Variants in AMDHD1 observed in about 807,000 individuals in gnomAD.
AMDHD1 encodes probable imidazolonepropionase.
Under a neutral mutation model 44.1 loss-of-function variants are expected in AMDHD1, and 45 were observed. That is an observed-to-expected ratio of 1.02 (90% CI 0.80 to 1.31). The LOEUF (loss-of-function observed/expected upper bound fraction) is 1.31, where lower values mean the gene tolerates loss of function less well. Ranked by LOEUF, AMDHD1 falls within the 50% of genes most tolerant of loss-of-function variation. AMDHD1 has a pLI of 0.00. For missense variants in AMDHD1, 586 were observed against 552.1 expected, an observed-to-expected ratio of 1.06 and a Z score of -0.61; for synonymous variants, 206 against 205.0, an observed-to-expected ratio of 1.00 and a Z score of -0.04.
chr12:95,961,718 G>A (rs1331084883), intron 5 of AMDHD1, among the ~76,000 whole-genome samples: 1 of 152,222 alleles, frequency 6.6e-6, no homozygotes, highest in African/African-American at 2.4e-5. Flanking sequence ...CGCATTTCAT[G>A]CAAACACCAA....
In AMDHD1 at chr12:95,960,588, C is replaced by T. The variant is rs1266737959; in HGVS notation, c.778C>T (p.His260Tyr). ...AGATATAGGGTTACAGATTAACTTCCATGGGGATGAACTCCACCCGATGAA... is the reference window on the plus strand; with the variant it reads ...AGATATAGGGTTACAGATTAACTTCTATGGGGATGAACTCCACCCGATGAA... ...GKDIGLQINF[H>Y]GDELHPMKAA... is the part of the protein sequence containing the mutation. The change falls in exon 5 of 9, where the codon CAT (histidine) becomes TAT (tyrosine). Residue 260 changes from histidine (H) to tyrosine (Y), a missense_variant. His to Tyr is a moderately conservative substitution (Grantham distance 83). Transcript: ENST00000266736. 1.9e-6 allele frequency: 3 copies of T among 1,614,174 alleles called. No individual in the cohort carries two copies. Among genetic ancestry groups the T allele is most frequent in the Non-Finnish European group, 2.5e-6 (3 of 1,180,032 alleles).
chr12:95,945,135 AAAAT>A (rs1220086862), intron 1 of AMDHD1, among the ~76,000 whole-genome samples: 1 of 152,178 alleles, frequency 6.6e-6, no homozygotes, highest in African/African-American at 2.4e-5. Flanking sequence ...CTCTGTCTCA[AAAAT>A]AAATAAATAA....
chr12:95,944,149 C>A (rs1382144113), intron 1 of AMDHD1, among the ~76,000 whole-genome samples: 2 of 151,880 alleles, frequency 1.3e-5, no homozygotes, highest in African/African-American at 2.4e-5. Context: ...AATAAAAGAA[C>A]AAAGTTTGAG....
intron 4 of AMDHD1, among the ~76,000 whole-genome samples, chr12:95,957,911 G>T (rs1253070348): frequency 1.3e-5 from 2 of 152,088 alleles, no homozygotes; most frequent in East Asian, 3.9e-4. Context: ...AAATTAGCGA[G>T]GCGTGGTGGC....
intron 3 of AMDHD1, 190 bp from the exon 4 acceptor site, chr12:95,956,495 C>A: frequency 1.4e-6 from 1 of 737,052 alleles, no homozygotes; most frequent in Middle Eastern, 3.9e-4. Context: ...CGGAGCTCCC[C>A]ACAATCCAGT....
intron 4 of AMDHD1, 110 bp from the exon 5 acceptor site, chr12:95,960,288 T>G (rs1299789781): frequency 1.1e-6 from 1 of 882,864 alleles, no homozygotes; most frequent in East Asian, 2.6e-5. Context: ...TTCTGAGGCT[T>G]GAAGTCATTT....
At chr12:95,962,945 G>A (rs2080589898) in intron 6 of AMDHD1, among the ~76,000 whole-genome samples, 1 of 152,126 alleles carries the variant, frequency 6.6e-6, no homozygotes, top group Non-Finnish European at 1.5e-5. Flanking sequence ...TCCTGGGGGT[G>A]GGAGGAAAGA....
chr12:95,961,612 T>G (rs2080581894), intron 5 of AMDHD1, among the ~76,000 whole-genome samples: 1 of 152,214 alleles, frequency 6.6e-6, no homozygotes, highest in Non-Finnish European at 1.5e-5. Flanking sequence ...CCAAGTCTTG[T>G]CCCATTTTCT....
intron 1 of AMDHD1, 122 bp from the exon 2 acceptor site, chr12:95,952,595 T>C: frequency 1.5e-6 from 1 of 651,902 alleles, no homozygotes; most frequent in Middle Eastern, 4.4e-4. Context: ...AGGTTCAAGA[T>C]AGAAGCACAG....
rs142306346 is a variant in AMDHD1 at position 95,966,464 on chromosome 12, G to A, written c.1149G>A (p.Leu383=). The A allele has an allele frequency of 7.8e-4, 1,252 of 1,614,236 alleles. No homozygotes were observed. The highest frequency in any genetic ancestry group is 1.0e-3 in the Non-Finnish European group (1,202 of 1,180,036). Residue 383 remains leucine (L), a synonymous_variant, in exon 8 of 9, where the codon TTG becomes TTA. Coordinates refer to ENST00000266736, the MANE Select transcript of AMDHD1 (RefSeq NM_152435.3). The part of the protein sequence containing the change: ...ALGKSHTHGS[L]EVGKQGDLII... Reference sequence around the variant, plus strand: ...GAAAGTCTCACACACACGGATCGTTGGAAGTTGGCAAACAGGGAGATCTCA... The same window carrying A: ...GAAAGTCTCACACACACGGATCGTTAGAAGTTGGCAAACAGGGAGATCTCA...
chr12:95,957,007 A>AAACG, intron 4 of AMDHD1, 45 bp downstream of exon 4: 1 of 1,604,648 alleles, frequency 6.2e-7, no homozygotes, highest in Non-Finnish European at 8.5e-7. Flanking sequence ...AGAGCATTGA[A>AAACG]AACGAACCCC....
rs60076877 is a variant in AMDHD1, at chr12:95,964,928, C to CAAAAAA, written c.939-740_939-735dup. Reference sequence around the variant, plus strand: ...AAAGGACCTACAGAGATGTTTGAGGCAAAAAAAAAAAAAAAAAAAAAAAGA... The same window carrying CAAAAAA: ...AAAGGACCTACAGAGATGTTTGAGGCAAAAAAAAAAAAAAAAAAAAAAAAAAAAAGA... On this transcript the variant is annotated intron_variant, in intron 6 of 8. Transcript: ENST00000266736. Among the ~76,000 whole-genome samples, 57 of 35,828 alleles carry CAAAAAA rather than the reference C, an allele frequency of 1.6e-3. 11 individuals are homozygous for CAAAAAA. Among genetic ancestry groups the CAAAAAA allele is most frequent in the East Asian group, 6.1e-3 (7 of 1,148 alleles). 23.5% of individuals were successfully genotyped at this position (35,828 alleles called of 152,430 possible).
chr12:95,960,003 T>A (rs979951129), intron 4 of AMDHD1, among the ~76,000 whole-genome samples: 19 of 151,914 alleles, frequency 1.3e-4, no homozygotes, highest in Non-Finnish European at 2.1e-4. Flanking sequence ...GCCAGGCTGG[T>A]CTCAAACTCC....
chr12:95,958,256 G>T (rs558664831), intron 4 of AMDHD1, among the ~76,000 whole-genome samples: 1 of 151,740 alleles, frequency 6.6e-6, no homozygotes, highest in Admixed American at 6.6e-5. Context: ...ATTACTATTA[G>T]CTATAGTCAC....
intron 3 of AMDHD1, among the ~76,000 whole-genome samples, chr12:95,955,602 A>G (rs1422717148): frequency 6.6e-6 from 1 of 152,248 alleles, no homozygotes; most frequent in Admixed American, 6.5e-5. Flanking sequence ...AAATCACAGA[A>G]TTTCAGAGCC....
At position 95,967,872 on chromosome 12, in the gene AMDHD1, T is replaced by A; in HGVS notation, c.*29T>A. On this transcript the variant is annotated 3_prime_UTR_variant, in exon 9 of 9. Transcript: ENST00000266736. ...ATTTGAAAAGAGAAGACTTTTTGACTATATGAAATAAGTCAATATAGTTAT... is the reference window on the plus strand; with the variant it reads ...ATTTGAAAAGAGAAGACTTTTTGACAATATGAAATAAGTCAATATAGTTAT... The A allele has an allele frequency of 7.1e-7, 1 of 1,404,434 alleles. No homozygotes were observed. The highest frequency in any genetic ancestry group is 1.3e-5 in the South Asian group (1 of 77,304). 87.0% of individuals were successfully genotyped at this position (1,404,434 alleles called of 1,614,324 possible).
Position 95,967,736 on chromosome 12 carries a change from G to GTTTTTTTT in AMDHD1, c.1194-12_1194-5dup. On this transcript the variant is annotated intron_variant, in intron 8 of 8. Transcript: ENST00000266736. ...TGCACACATTGAAGTAATATTTGTTGTTTTTTTTTTTTTTTCTAGATGGGA... is the reference window on the plus strand; with the variant it reads ...TGCACACATTGAAGTAATATTTGTTGTTTTTTTTTTTTTTTTTTTTTTTCTAGATGGGA... The GTTTTTTTT allele has an allele frequency of 1.6e-6, 2 of 1,259,504 alleles. No individual in the cohort carries two copies. The highest frequency in any genetic ancestry group is 1.5e-5 in the South Asian group (1 of 65,478). The allele number at this position is 1,259,504 out of a possible 1,614,324, so 78.0% of individuals were successfully genotyped here. A position where few individuals can be genotyped will look rare whatever the true frequency, so the allele number is the denominator to read the frequency against.
chr12:95,946,642 T>C (rs1414920700), intron 1 of AMDHD1, among the ~76,000 whole-genome samples: 22 of 4,222 alleles, frequency 5.2e-3, no homozygotes, highest in Admixed American at 7.1e-3. Flanking sequence ...TCCCCCTCCC[T>C]CTCCCTCTCC....
At chr12:95,964,706 A>G (rs1342668179) in intron 6 of AMDHD1, among the ~76,000 whole-genome samples, 1 of 152,016 alleles carries the variant, frequency 6.6e-6, no homozygotes, top group Non-Finnish European at 1.5e-5. Context: ...CTCTTTCTCT[A>G]TTGCAGCTGT....
Sources: allele counts gnomAD v4.1 joint callset (sites outside exome capture counted in the v4.1 genomes callset), GRCh38; gene constraint gnomAD v4.1.1; transcripts MANE v1.5; gene names NCBI Gene and HGNC (gene_info 2026-07-23, HGNC 2026-07-21).